ZFAT: variants seen among roughly 807,000 people sequenced by gnomAD.
ZFAT encodes zinc finger and AT-hook domain containing.
Under a neutral mutation model 117.7 loss-of-function variants are expected in ZFAT, and 64 were observed. That is an observed-to-expected ratio of 0.54 (90% CI 0.44 to 0.67). ZFAT has a LOEUF of 0.67. Among genes scored for constraint, ZFAT ranks in the 30% least tolerant of loss-of-function variants. The pLI is 0.00. For synonymous variants in ZFAT, 679 were observed against 615.0 expected, an observed-to-expected ratio of 1.10 and a Z score of -1.54; for missense variants, 1,433 against 1,584.5, an observed-to-expected ratio of 0.90 and a Z score of 1.62.
the ZFAT span, among the ~76,000 whole-genome samples, chr8:134,724,772 C>A: frequency 6.6e-6 from 1 of 152,092 alleles, no homozygotes; most frequent in Non-Finnish European, 1.5e-5. Flanking sequence ...CTGTCTATAG[C>A]AAGGGGGAGA....
chr8:134,768,384 G>T, the ZFAT span, among the ~76,000 whole-genome samples: 1 of 152,160 alleles, frequency 6.6e-6, no homozygotes, highest in Non-Finnish European at 1.5e-5. Flanking sequence ...CTGACCAGTT[G>T]TTCCCCAACC....
At chr8:134,818,478 T>C in the ZFAT span, among the ~76,000 whole-genome samples, 11 of 152,200 alleles carry the variant, frequency 7.2e-5, no homozygotes, top group Non-Finnish European at 1.5e-5. Context: ...GATAGCATAA[T>C]GCTGGTGGGA....
At chr8:134,801,228 C>A in the ZFAT span, among the ~76,000 whole-genome samples, 1 of 152,126 alleles carries the variant, frequency 6.6e-6, no homozygotes, top group Non-Finnish European at 1.5e-5. Flanking sequence ...TCAGGCACAT[C>A]TTTCCCACAC....
chr8:134,539,833 G>A (rs1181884272), intron 11 of ZFAT, among the ~76,000 whole-genome samples: 1 of 152,216 alleles, frequency 6.6e-6, no homozygotes, highest in African/African-American at 2.4e-5. Context: ...AGAGCGGAGT[G>A]TGGGAGCATG....
chr8:134,587,927 G>A (rs998669885), intron 9 of ZFAT, among the ~76,000 whole-genome samples: 3 of 152,208 alleles, frequency 2.0e-5, no homozygotes, highest in African/African-American at 7.2e-5. Flanking sequence ...GGGCACTGGA[G>A]TTCCTGCCAT....
intron 15 of ZFAT, among the ~76,000 whole-genome samples, chr8:134,499,445 C>CA (rs2130249944): frequency 9.2e-6 from 1 of 109,256 alleles, no homozygotes; most frequent in South Asian, 3.0e-4. Flanking sequence ...GTAGGGTTGG[C>CA]ACGGAGCTGG....
chr8:134,531,378 C>A (rs1055778421), intron 12 of ZFAT, among the ~76,000 whole-genome samples: 1 of 152,204 alleles, frequency 6.6e-6, no homozygotes, highest in Non-Finnish European at 1.5e-5. Context: ...CTATTCTCCC[C>A]TCTGTGATTC....
Position 134,712,872 on chromosome 8 carries a change from C to T in ZFAT, c.-9G>A. Reference sequence around the variant, plus strand: ...GCCGCCCGCGTCTCCATGGCAACGCCCCACCGCGGAGGAAAAAAAAGCCTC... The same window carrying T: ...GCCGCCCGCGTCTCCATGGCAACGCTCCACCGCGGAGGAAAAAAAAGCCTC... On this transcript the variant is annotated 5_prime_UTR_variant, in exon 1 of 16. Coordinates refer to ENST00000377838, the MANE Select transcript of ZFAT (RefSeq NM_020863.4). The T allele has an allele frequency of 6.6e-7, 1 of 1,508,896 alleles. No homozygotes were observed. Among genetic ancestry groups the T allele is most frequent in the Non-Finnish European group, 8.9e-7 (1 of 1,129,268 alleles). The allele number at this position is 1,508,896 out of a possible 1,614,324, so 93.5% of individuals were successfully genotyped here. A position where few individuals can be genotyped will look rare whatever the true frequency, so the allele number is the denominator to read the frequency against.
chr8:134,583,167 T>C (rs57898294), intron 10 of ZFAT, among the ~76,000 whole-genome samples: 61,071 of 151,766 alleles, frequency 0.4, 12,732 homozygotes, highest in African/African-American at 0.48. Flanking sequence ...CCTCCATCAC[T>C]GCACTTACCT....
the ZFAT span, among the ~76,000 whole-genome samples, chr8:134,799,961 T>A: frequency 6.6e-5 from 10 of 152,194 alleles, no homozygotes; most frequent in Non-Finnish European, 1.2e-4. Context: ...AGTCAATCCA[T>A]GCAATCACAT....
chr8:134,493,480 C>T (rs1390458419), intron 15 of ZFAT, among the ~76,000 whole-genome samples: 2 of 152,362 alleles, frequency 1.3e-5, no homozygotes, highest in East Asian at 3.9e-4. Flanking sequence ...ATGCCCATGA[C>T]TAGAACATCT....
intron 9 of ZFAT, among the ~76,000 whole-genome samples, chr8:134,586,134 T>C (rs763129676): frequency 6.6e-6 from 1 of 152,202 alleles, no homozygotes; most frequent in Non-Finnish European, 1.5e-5. Flanking sequence ...TGTGATTCCT[T>C]CATTACAGAG....
intron 2 of ZFAT, among the ~76,000 whole-genome samples, chr8:134,653,160 T>A (rs953615328): frequency 1.3e-5 from 2 of 149,222 alleles, no homozygotes; most frequent in African/African-American, 4.9e-5. Flanking sequence ...GTGGGGTTTT[T>A]TTTTTCATTA....
chr8:134,699,687 T>C (rs1234332334), intron 1 of ZFAT, among the ~76,000 whole-genome samples: 1 of 152,208 alleles, frequency 6.6e-6, no homozygotes, highest in African/African-American at 2.4e-5. Flanking sequence ...TCTCTGTCCC[T>C]CCGTTTATTT....
chr8:134,514,849 G>A (rs1403418584), intron 13 of ZFAT, among the ~76,000 whole-genome samples: 1 of 152,130 alleles, frequency 6.6e-6, no homozygotes, highest in East Asian at 1.9e-4. Context: ...TGGGGTACAT[G>A]TGCAGAACAT....
the ZFAT span, among the ~76,000 whole-genome samples, chr8:134,799,830 TTAA>T: frequency 1.3e-5 from 2 of 152,348 alleles, no homozygotes; most frequent in East Asian, 3.9e-4. Context: ...TATGTCTGCT[TTAA>T]GCATTATGGC....
intron 1 of ZFAT, among the ~76,000 whole-genome samples, chr8:134,677,052 C>A (rs1163475128): frequency 6.6e-6 from 1 of 152,014 alleles, no homozygotes; most frequent in East Asian, 1.9e-4. Context: ...GAAGAGCAAA[C>A]AAATTCGAAA....
chr8:134,792,263 A>C, the ZFAT span: 1 of 152,212 alleles, frequency 6.6e-6, no homozygotes, highest in African/African-American at 2.4e-5. Flanking sequence ...TCTACCTTTC[A>C]TAAGGAAAAA....
intron 13 of ZFAT, among the ~76,000 whole-genome samples, chr8:134,515,805 C>T (rs954792156): frequency 2.6e-5 from 4 of 152,168 alleles, no homozygotes. Flanking sequence ...ACTCCATGCC[C>T]TGCCCCAGGA....
Sources: allele counts gnomAD v4.1 joint callset (sites outside exome capture counted in the v4.1 genomes callset), GRCh38; gene constraint gnomAD v4.1.1; transcripts MANE v1.5; gene names NCBI Gene and HGNC (gene_info 2026-07-23, HGNC 2026-07-21).